The following ADAM28 variants were observed in gnomAD, a reference collection of about 807,000 sequenced individuals.
ADAM28 encodes ADAM metallopeptidase domain 28, also known as disintegrin and metalloproteinase domain-containing protein 28.
ADAM28 carries 105 observed loss-of-function variants against 101.2 expected under a neutral mutation model. The observed-to-expected ratio is 1.04, with a 90% CI of 0.89 to 1.22. ADAM28 has a LOEUF of 1.22. Ranked by LOEUF, ADAM28 falls within the 50% of genes most tolerant of loss-of-function variation. The pLI is 0.00. For missense variants in ADAM28, 1,028 were observed against 945.4 expected (o/e 1.09, Z -1.15); for synonymous variants, 322 against 310.6 (o/e 1.04, Z -0.39).
intron 14 of ADAM28, among the ~76,000 whole-genome samples, chr8:24,337,617 C>CT (rs1814258025): frequency 1.3e-5 from 2 of 152,102 alleles, no homozygotes; most frequent in South Asian, 4.1e-4. Flanking sequence ...TGGAGTAGAC[C>CT]TCTTAAGTCA....
chr8:24,311,299 G>A (rs1023964754), intron 4 of ADAM28, 62 bp from the exon 5 acceptor site: 28 of 1,282,444 alleles, frequency 2.2e-5, no homozygotes, highest in Non-Finnish European at 2.4e-5. Context: ...TTTCAGATGC[G>A]GCTTTAGCAG....
intron 10 of ADAM28, 113 bp from the exon 11 acceptor site, chr8:24,329,872 T>TGC (rs1332746918): frequency 1.2e-6 from 1 of 804,928 alleles, no homozygotes; most frequent in Non-Finnish European, 1.9e-6. Flanking sequence ...TGTGTGTTTG[T>TGC]GTGTGTGTGT....
Position 24,343,534 on chromosome 8 carries a change from G to T in ADAM28, c.1940G>T (p.Cys647Phe). The change falls in exon 18 of 23, where the codon TGT becomes TTT. Residue 647 changes from cysteine (C) to phenylalanine (F), a missense_variant. Cys to Phe is a radical substitution (Grantham distance 205). Transcript: ENST00000265769. ...TGTGACCATGAGCTCCAGTGTCAAT[G>T]TGAGGAAGGATGGATCCCTCCCGAC... The part of the protein sequence containing the change: ...AVCDHELQCQ[C>F]EEGWIPPDCD... 12 of 1,613,806 alleles carry T rather than the reference G, an allele frequency of 7.4e-6. No homozygotes were observed. Among genetic ancestry groups the T allele is most frequent in the Non-Finnish European group, 1.0e-5 (12 of 1,179,820 alleles).
At chr8:24,316,362 C>T (rs905967009) in intron 6 of ADAM28, among the ~76,000 whole-genome samples, 2 of 151,818 alleles carry the variant, frequency 1.3e-5, no homozygotes, top group African/African-American at 2.4e-5. Flanking sequence ...AGTTGGAATT[C>T]GAGTTTTGAT....
Position 24,320,296 on chromosome 8 carries a change from GAT to G in ADAM28, c.639_640del (p.Asp213GlufsTer3). ...EKYIEYYLVL[D>X]NGEFKRYNEN... ...ATACATAGAATATTATTTGGTCCTGGATAATGGTGAGGTAATTATATGAGATA... is the reference window on the plus strand; with the variant it reads ...ATACATAGAATATTATTTGGTCCTGGAATGGTGAGGTAATTATATGAGATA... On this transcript the variant is annotated frameshift_variant, in exon 7 of 23. Coordinates refer to ENST00000265769, the MANE Select transcript of ADAM28 (RefSeq NM_014265.6). LOFTEE classifies it high-confidence loss of function. 1 of 1,599,930 alleles carries G rather than the reference GAT, an allele frequency of 6.3e-7. No homozygotes were observed. The highest frequency in any genetic ancestry group is 8.5e-7 in the Non-Finnish European group (1 of 1,169,738).
At chr8:24,301,611 C>T (rs1268062291) in intron 2 of ADAM28, among the ~76,000 whole-genome samples, 2 of 152,150 alleles carry the variant, frequency 1.3e-5, no homozygotes, top group African/African-American at 4.8e-5. Context: ...AGTACCCTGC[C>T]TAGGAGCACA....
chr8:24,308,883 A>G (rs1286553842), intron 2 of ADAM28: 4 of 335,936 alleles, frequency 1.2e-5, no homozygotes, highest in Admixed American at 4.0e-5. Context: ...ACCGGCCAGA[A>G]GGGGAGGGAG....
chr8:24,311,819 A>G (rs907568006), intron 5 of ADAM28, among the ~76,000 whole-genome samples: 12 of 152,018 alleles, frequency 7.9e-5, no homozygotes, highest in African/African-American at 2.7e-4. Flanking sequence ...GCTCACTGCA[A>G]TCTCAGTCTC....
intron 17 of ADAM28, 122 bp downstream of exon 17, chr8:24,343,303 C>A (rs564500354): frequency 1.6e-6 from 2 of 1,251,530 alleles, no homozygotes; most frequent in African/African-American, 1.5e-5. Context: ...TTTATCCAAG[C>A]CTTCAGTAGC....
chr8:24,350,052 C>A, intron 19 of ADAM28, 80 bp downstream of exon 19: 1 of 1,217,502 alleles, frequency 8.2e-7, no homozygotes. Context: ...ATAACCTATC[C>A]TTTCAAATTG....
intron 21 of ADAM28, 133 bp downstream of exon 21, chr8:24,352,185 C>T: frequency 1.2e-6 from 1 of 820,070 alleles, no homozygotes; most frequent in East Asian, 2.7e-5. Context: ...ATATAAAATA[C>T]AAATTCTTCT....
At chr8:24,349,089 G>A (rs1267957269) in intron 18 of ADAM28, among the ~76,000 whole-genome samples, 1 of 152,126 alleles carries the variant, frequency 6.6e-6, no homozygotes, top group Non-Finnish European at 1.5e-5. Flanking sequence ...ATGTGTGTGT[G>A]TGCTCACACT....
At chr8:24,329,886 T>TGTGA (rs1813130555) in intron 10 of ADAM28, 99 bp from the exon 11 acceptor site, 7 of 564,504 alleles carry the variant, frequency 1.2e-5, no homozygotes, top group South Asian at 8.3e-5. Flanking sequence ...TGTGTGTGTG[T>TGTGA]GAGAGAGAGA....
rs577876402 is a variant in ADAM28, at chr8:24,320,167, A to G, written c.577-69A>G. ...CAACCAACTGCTTATAAAATTACAG[A>G]TGTCAAATAATAGAAGAACTTTTGC... On this transcript the variant is annotated intron_variant, in intron 6 of 22. Transcript: ENST00000265769. The G allele has an allele frequency of 1.2e-4, 139 of 1,135,440 alleles. No homozygotes were observed. In the African/African-American group the frequency reaches 2.0e-3, roughly 16 times the overall value. The allele number at this position is 1,135,440 out of a possible 1,614,324, so 70.3% of individuals were successfully genotyped here.
chr8:24,354,246 C>A (rs1011959774), intron 22 of ADAM28, 138 bp from the exon 23 acceptor site: 27 of 708,518 alleles, frequency 3.8e-5, no homozygotes, highest in Middle Eastern at 4.0e-4. Flanking sequence ...TCTACTTCTT[C>A]GTTTTTGCTG....
At chr8:24,302,568 G>A (rs1490514350) in intron 2 of ADAM28, among the ~76,000 whole-genome samples, 1 of 152,118 alleles carries the variant, frequency 6.6e-6, no homozygotes, top group South Asian at 2.1e-4. Flanking sequence ...CAGTGTAAAC[G>A]CATTCCTATT....
intron 14 of ADAM28, chr8:24,336,163 T>G (rs1446450997): frequency 1.0e-6 from 1 of 985,310 alleles, no homozygotes; most frequent in South Asian, 4.7e-5. Context: ...AAGTGAAAGT[T>G]CTTAAATGGT....
rs904166219 is a variant in ADAM28 at position 24,355,232 on chromosome 8, C to T, written c.*828C>T. On this transcript the variant is annotated 3_prime_UTR_variant, in exon 23 of 23. Transcript: ENST00000265769. ...TGTCAGATGTAATCTAAAAGTAATC[C>T]GATGCTTTGTCAACAACAGACTTAC... 2 of 152,230 alleles carry T rather than the reference C, an allele frequency of 1.3e-5. No homozygotes were observed. The highest frequency in any genetic ancestry group is 1.9e-4 in the East Asian group (1 of 5,188). 9.4% of individuals were successfully genotyped at this position (152,230 alleles called of 1,614,324 possible). A position where few individuals can be genotyped will look rare whatever the true frequency, so the allele number is the denominator to read the frequency against.
At chr8:24,338,480 C>T (rs992687125) in intron 14 of ADAM28, among the ~76,000 whole-genome samples, 3 of 151,428 alleles carry the variant, frequency 2.0e-5, no homozygotes, top group Non-Finnish European at 4.4e-5. Flanking sequence ...TTAGGAATAT[C>T]ATGCTTTTCC....
Sources: gnomAD v4.1 joint callset for allele counts (sites outside exome capture counted in the v4.1 genomes callset) on GRCh38, gnomAD v4.1.1 for gene constraint, MANE v1.5 for transcripts, NCBI Gene and HGNC (gene_info 2026-07-23, HGNC 2026-07-21) for gene names.